ADAMTSL1: variants seen among roughly 807,000 people sequenced by gnomAD.
ADAMTSL1 encodes the protein ADAMTS like 1.
ADAMTSL1 carries 126 observed loss-of-function variants against 201.8 expected under a neutral mutation model. That is an observed-to-expected ratio of 0.62 (90% CI 0.54 to 0.72). The LOEUF is 0.72. Ranked by LOEUF, ADAMTSL1 falls within the 30% of genes least tolerant of loss-of-function variation. The pLI is 0.00. For synonymous variants in ADAMTSL1, 1,121 were observed against 903.4 expected (o/e 1.24, Z -4.32); for missense variants, 2,679 against 2,277.8 (o/e 1.18, Z -3.59).
In ADAMTSL1 at chr9:18,549,960, A is replaced by G. The variant is rs573124749; in HGVS notation, c.237+16668A>G. ...AGATCTCCAGGTGACTCGTATGCAC[A>G]TTAAAGGCTGAGAAGCTCTGTTCTA... On this transcript the variant is annotated intron_variant, in intron 3 of 28. Coordinates refer to ENST00000380548, the MANE Select transcript of ADAMTSL1 (RefSeq NM_001040272.6). 5.9e-5 allele frequency among the ~76,000 whole-genome samples: 9 copies of G among 152,148 alleles called. No individual in the cohort carries two copies. The East Asian group carries it at 1.7e-3, about 29-fold the overall frequency.
At chr9:18,761,342 TG>T (rs1820061411) in intron 16 of ADAMTSL1, among the ~76,000 whole-genome samples, 2 of 152,330 alleles carry the variant, frequency 1.3e-5, no homozygotes, top group East Asian at 1.9e-4. Context: ...ACAGGACACT[TG>T]GGCCATTGTA....
At position 18,477,714 on chromosome 9, in the gene ADAMTSL1, A is replaced by C. The variant is rs540961131; in HGVS notation, c.63+3419A>C. Among the ~76,000 whole-genome samples the C allele has an allele frequency of 8.1e-4, 123 of 152,348 alleles. 1 individual carries two copies. Among genetic ancestry groups the C allele is most frequent in the African/African-American group, 2.8e-3 (117 of 41,580 alleles). On this transcript the variant is annotated intron_variant, in intron 1 of 28. Transcript: ENST00000380548. ...CTACAGAACGCTATGAAGCATTTAA[A>C]ATTTAAAAATCACTTTCTTCATGTT...
In ADAMTSL1 at chr9:18,879,915, A is replaced by G. The variant is rs952530336; in HGVS notation, c.4250-7916A>G. ...TCCTCTCAAACCCTGCCACTGCTTT[A>G]TTAATTAAGTTTATATAATATTCTA... On this transcript the variant is annotated intron_variant, in intron 23 of 28. Transcript: ENST00000380548. 1.4e-4 allele frequency among the ~76,000 whole-genome samples: 22 copies of G among 152,298 alleles called. No homozygotes were observed. In the East Asian group the frequency reaches 1.5e-3, roughly 11 times the overall value.
chr9:18,667,447 A>C (rs149546862), intron 9 of ADAMTSL1, among the ~76,000 whole-genome samples: 1 of 152,138 alleles, frequency 6.6e-6, no homozygotes, highest in Non-Finnish European at 1.5e-5. Flanking sequence ...GAGCTTTGGC[A>C]TAAAACGTCC....
intron 23 of ADAMTSL1, among the ~76,000 whole-genome samples, chr9:18,851,555 A>G: frequency 6.6e-6 from 1 of 152,194 alleles, no homozygotes; most frequent in East Asian, 1.9e-4. Context: ...AACAAAAGGA[A>G]GTAAAGTACA....
intron 2 of ADAMTSL1, among the ~76,000 whole-genome samples, chr9:18,302,396 G>A (rs796567610): frequency 9.9e-5 from 15 of 152,032 alleles, no homozygotes; most frequent in African/African-American, 3.4e-4. Flanking sequence ...TCAGTATGCT[G>A]GGGCAAAAAA....
chr9:18,574,313 G>A (rs1204628807), intron 4 of ADAMTSL1, 47 bp downstream of exon 4: 4 of 1,508,908 alleles, frequency 2.7e-6, no homozygotes, highest in Middle Eastern at 1.7e-4. Flanking sequence ...GGGTTTCAAT[G>A]TCTTTGTGTA....
chr9:18,043,499 G>C (rs1339364035), intron 1 of ADAMTSL1, among the ~76,000 whole-genome samples: 2 of 152,054 alleles, frequency 1.3e-5, no homozygotes, highest in Non-Finnish European at 2.9e-5. Flanking sequence ...ACAAGTTATT[G>C]CAGTTCATTG....
intron 1 of ADAMTSL1, among the ~76,000 whole-genome samples, chr9:17,914,023 T>TA (rs1479859222): frequency 6.6e-6 from 1 of 152,188 alleles, no homozygotes; most frequent in Non-Finnish European, 1.5e-5. Flanking sequence ...ATTGTGGCAA[T>TA]AATCAATAGC....
chr9:18,167,209 G>A (rs559730457), intron 2 of ADAMTSL1, among the ~76,000 whole-genome samples: 16 of 152,058 alleles, frequency 1.1e-4, no homozygotes, highest in African/African-American at 3.9e-4. Flanking sequence ...AAAACAGGAT[G>A]ATAATTAACA....
intron 4 of ADAMTSL1, among the ~76,000 whole-genome samples, chr9:18,591,274 A>G (rs1355118740): frequency 6.6e-6 from 1 of 152,048 alleles, no homozygotes; most frequent in South Asian, 2.1e-4. Context: ...TTATATAATG[A>G]CCTTTGTCTC....
At chr9:17,990,240 T>C (rs2131496877) in intron 1 of ADAMTSL1, among the ~76,000 whole-genome samples, 1 of 152,204 alleles carries the variant, frequency 6.6e-6, no homozygotes, top group East Asian at 1.9e-4. Context: ...TCCTTTTATG[T>C]AGCAAGCTCG....
intron 13 of ADAMTSL1, among the ~76,000 whole-genome samples, chr9:18,700,768 T>G (rs527978002): frequency 1.3e-5 from 2 of 152,320 alleles, no homozygotes; most frequent in South Asian, 4.1e-4. Flanking sequence ...CATATTTTCT[T>G]TTTCCAATAT....
intron 2 of ADAMTSL1, among the ~76,000 whole-genome samples, chr9:18,413,108 A>G (rs967501172): frequency 6.6e-6 from 1 of 150,912 alleles, no homozygotes; most frequent in Non-Finnish European, 1.5e-5. Flanking sequence ...CTGTTTCTTC[A>G]ACTGCTTGTT....
At chr9:18,394,910 C>G (rs977842847) in intron 2 of ADAMTSL1, among the ~76,000 whole-genome samples, 2 of 152,146 alleles carry the variant, frequency 1.3e-5, no homozygotes, top group Non-Finnish European at 2.9e-5. Flanking sequence ...AAAAAGTCTG[C>G]AAATGGAAAG....
intron 2 of ADAMTSL1, among the ~76,000 whole-genome samples, chr9:18,239,619 A>G (rs1326643817): frequency 1.3e-5 from 2 of 151,972 alleles, no homozygotes; most frequent in Non-Finnish European, 2.9e-5. Flanking sequence ...GTGGTGGTGC[A>G]TGTCTGTAAT....
chr9:18,693,239 C>T (rs1440311919), intron 13 of ADAMTSL1, among the ~76,000 whole-genome samples: 1 of 152,120 alleles, frequency 6.6e-6, no homozygotes, highest in Non-Finnish European at 1.5e-5. Flanking sequence ...CAAAGCTGCC[C>T]CTTAATTTTT....
At position 18,523,922 on chromosome 9, in the gene ADAMTSL1, T is replaced by C. The variant is rs1201231758; in HGVS notation, c.192-9325T>C. Among the ~76,000 whole-genome samples the C allele has an allele frequency of 8.2e-5, 11 of 133,448 alleles. 1 individual carries two copies. In the East Asian group the frequency reaches 1.1e-3, roughly 13 times the overall value. 87.5% of individuals were successfully genotyped at this position (133,448 alleles called of 152,430 possible). A position where few individuals can be genotyped will look rare whatever the true frequency, so the allele number is the denominator to read the frequency against. The stretch of plus-strand genomic sequence containing the variant: ...TTGGCTTAGGATTGACTTGGTGATG[T>C]GGGCTCTTTTTTGGTTCCATATGAA... On this transcript the variant is annotated intron_variant, in intron 2 of 28. Transcript: ENST00000380548.
At chr9:18,359,827 G>GCCA (rs1554666063) in intron 2 of ADAMTSL1, among the ~76,000 whole-genome samples, 2 of 39,322 alleles carry the variant, frequency 5.1e-5, no homozygotes, top group Non-Finnish European at 1.0e-4. Flanking sequence ...CTCCCCACCC[G>GCCA]CCCCCCCGCC....
Sources: allele counts gnomAD v4.1 joint callset (sites outside exome capture counted in the v4.1 genomes callset), GRCh38; gene constraint gnomAD v4.1.1; transcripts MANE v1.5; gene names NCBI Gene and HGNC (gene_info 2026-07-23, HGNC 2026-07-21).